The following WDR4 variants were observed in gnomAD, a reference collection of about 807,000 sequenced individuals.
WDR4 encodes tRNA (guanine-N(7)-)-methyltransferase non-catalytic subunit WDR4.
A neutral mutation model predicts 48.6 loss-of-function variants in WDR4; 47 were observed. The ratio of observed to expected loss-of-function variants is 0.97; its 90% confidence interval spans 0.77 to 1.23. The LOEUF is 1.23. Ranked by LOEUF, WDR4 falls within the 50% of genes most tolerant of loss-of-function variation. WDR4 has a pLI of 0.00. For missense variants in WDR4, 606 were observed against 551.6 expected (o/e 1.10, Z -0.99); for synonymous variants, 268 against 230.0 (o/e 1.17, Z -1.49).
downstream of WDR4, among the ~76,000 whole-genome samples, chr21:42,844,598 G>A (rs3746938): frequency 0.24 from 36,260 of 152,092 alleles, 5,416 homozygotes; most frequent in African/African-American, 0.43. Context: ...CGGCTGAGAC[G>A]CAGCTCTGAC....
intron 3 of WDR4, among the ~76,000 whole-genome samples, chr21:42,872,864 G>A (rs2058403648): frequency 6.6e-6 from 1 of 152,138 alleles, no homozygotes. Context: ...TTGAAGCCGG[G>A]AGGTCGAGGT....
chr21:42,890,031 A>G, the WDR4 span, among the ~76,000 whole-genome samples: 1 of 151,646 alleles, frequency 6.6e-6, no homozygotes, highest in Non-Finnish European at 1.5e-5. Flanking sequence ...GTAGTGAGCT[A>G]TAACCAAGCC....
chr21:42,880,960 C>T (rs567308967), upstream of WDR4, among the ~76,000 whole-genome samples: 2 of 149,870 alleles, frequency 1.3e-5, no homozygotes, highest in Non-Finnish European at 3.0e-5. Context: ...GACGGAGTCT[C>T]GCTCTGTCGC....
rs370431009 is a variant in WDR4 at position 42,850,099 on chromosome 21, C to A, written c.1189G>T (p.Asp397Tyr). ...QRRRSPPPGP[D>Y]GHAKKMRPGE... ...GGTCTCATCTTCTTGGCATGCCCGT[C>A]GGGCCCAGGCGGGGGACTCCGGCGC... Residue 397 changes from aspartate to tyrosine, a missense_variant, in exon 11 of 11, where the codon GAC becomes TAC. Physicochemically the swap from Asp to Tyr is radical, Grantham distance 160. Coordinates refer to ENST00000398208, the MANE Select transcript of WDR4 (RefSeq NM_018669.6). 4 of 1,613,948 alleles carry A rather than the reference C, an allele frequency of 2.5e-6. No individual in the cohort carries two copies. The highest frequency in any genetic ancestry group is 3.3e-5 in the Admixed American group (2 of 59,966).
At position 42,868,360 on chromosome 21, in the gene WDR4, G is replaced by A. The variant is rs143583857; in HGVS notation, c.297-4764C>T. On this transcript the variant is annotated intron_variant, in intron 3 of 10. Transcript: ENST00000398208. The stretch of plus-strand genomic sequence containing the variant: ...TGAAGTAAGGTGACATTCCACCCAC[G>A]TCTCCATCTTTCTGGCAACCTCAGA... Among the ~76,000 whole-genome samples the A allele has an allele frequency of 2.7e-4, 41 of 152,274 alleles. No homozygotes were observed. The East Asian group carries it at 6.8e-3, about 25-fold the overall frequency.
At position 42,863,425 on chromosome 21, in the gene WDR4, A is replaced by C; in HGVS notation, c.453+15T>G. 2 of 1,583,366 alleles carry C rather than the reference A, an allele frequency of 1.3e-6. No homozygotes were observed. The highest frequency in any genetic ancestry group is 1.8e-5 in the Admixed American group (1 of 57,132). ...ACACCTGCCATGTCCCCCACCTACC[A>C]CGTCCCCCACCTACCACATCTAACA... On this transcript the variant is annotated intron_variant, in intron 4 of 10. Coordinates refer to ENST00000398208, the MANE Select transcript of WDR4 (RefSeq NM_018669.6).
intron 5 of WDR4, among the ~76,000 whole-genome samples, chr21:42,860,816 G>C (rs1156324930): frequency 1.3e-5 from 2 of 152,194 alleles, no homozygotes; most frequent in African/African-American, 2.4e-5. Flanking sequence ...CTCATGCCAG[G>C]CACCACGCTG....
intron 10 of WDR4, among the ~76,000 whole-genome samples, chr21:42,850,921 C>T (rs984348740): frequency 1.3e-5 from 2 of 152,208 alleles, no homozygotes; most frequent in African/African-American, 4.8e-5. Context: ...ACAGGCCCAG[C>T]CGGTAACCCG....
intron 3 of WDR4, among the ~76,000 whole-genome samples, chr21:42,864,107 CAAAAAAAAAAAA>C (rs776906461): frequency 7.9e-5 from 4 of 50,546 alleles, no homozygotes; most frequent in South Asian, 1.5e-3. Context: ...GACTCCGTCT[CAAAAAAAAAAAA>C]AAAAAAAAAA....
intron 9 of WDR4, among the ~76,000 whole-genome samples, chr21:42,852,680 C>T (rs1308478772): frequency 6.6e-6 from 1 of 152,194 alleles, no homozygotes; most frequent in Admixed American, 6.5e-5. Context: ...CTTTGGGAGG[C>T]CAAGGCGGGC....
downstream of WDR4, among the ~76,000 whole-genome samples, chr21:42,845,424 C>G (rs2057702601): frequency 6.6e-6 from 1 of 152,242 alleles, no homozygotes; most frequent in African/African-American, 2.4e-5. Flanking sequence ...TGGTCAGCTG[C>G]TGCTGGCTGC....
At chr21:42,860,045 C>T (rs1318523940) in intron 5 of WDR4, among the ~76,000 whole-genome samples, 1 of 152,154 alleles carries the variant, frequency 6.6e-6, no homozygotes, top group Non-Finnish European at 1.5e-5. Context: ...GCCCCCTCTG[C>T]AGCAGCTCTG....
the WDR4 span, among the ~76,000 whole-genome samples, chr21:42,890,370 C>T: frequency 6.6e-6 from 1 of 152,040 alleles, no homozygotes; most frequent in African/African-American, 2.4e-5. Context: ...CCTGTCTCTA[C>T]TAAAAATACA....
chr21:42,843,838 C>T (rs8129161), intron 11 of WDR4, among the ~76,000 whole-genome samples: 3 of 152,062 alleles, frequency 2.0e-5, no homozygotes, highest in East Asian at 1.9e-4. Context: ...GGATTACAGG[C>T]GTGAGCCACC....
chr21:42,863,464 C>T lies in WDR4; in HGVS notation c.429G>A (p.Gly143=), dbSNP rs11911090. 0.084 allele frequency: 135,954 copies of T among 1,613,168 alleles called. 6,589 individuals are homozygous for T. Among genetic ancestry groups the T allele is most frequent in the African/African-American group, 0.18 (13,320 of 74,800 alleles). The change falls in exon 4 of 11, where the codon GGG becomes GGA. Residue 143 remains glycine (G), a synonymous_variant. Coordinates refer to ENST00000398208, the MANE Select transcript of WDR4 (RefSeq NM_018669.6). ...CCACATCTAACAGCATAGACAGGTG[C>T]CCCAGCTCTAGACGGCCACACCCGT... is the stretch of plus-strand genomic sequence containing the variant. The part of the protein sequence containing the change: ...EPHGCGRLEL[G]HLSMLLDVAV...
downstream of WDR4, among the ~76,000 whole-genome samples, chr21:42,846,462 G>A (rs1219287884): frequency 6.6e-6 from 1 of 152,230 alleles, no homozygotes; most frequent in East Asian, 1.9e-4. Flanking sequence ...CTTCTCGTGG[G>A]TAGTCACACA....
chr21:42,879,286 G>T (rs1337132332), intron 1 of WDR4, 121 bp downstream of exon 1: 1 of 1,419,418 alleles, frequency 7.0e-7, no homozygotes, highest in Admixed American at 2.6e-5. Context: ...GGGCTGGAGC[G>T]GAGTTCCCCG....
chr21:42,863,877 T>A (rs562375837), intron 3 of WDR4, among the ~76,000 whole-genome samples: 1 of 144,162 alleles, frequency 6.9e-6, no homozygotes, highest in Non-Finnish European at 1.5e-5. Context: ...GAGGCCGAGG[T>A]GGGTGGATCA....
At chr21:42,866,816 C>T (rs1400224110) in intron 3 of WDR4, among the ~76,000 whole-genome samples, 1 of 152,098 alleles carries the variant, frequency 6.6e-6, no homozygotes, top group Non-Finnish European at 1.5e-5. Context: ...CACAAACCCA[C>T]AATTCTAAAG....
Sources: gnomAD v4.1 joint callset for allele counts (sites outside exome capture counted in the v4.1 genomes callset) on GRCh38, gnomAD v4.1.1 for gene constraint, MANE v1.5 for transcripts, NCBI Gene and HGNC (gene_info 2026-07-23, HGNC 2026-07-21) for gene names.